Variants in SLC6A2 observed in about 807,000 individuals in gnomAD.
The protein encoded by SLC6A2 is sodium-dependent noradrenaline transporter.
In SLC6A2, 26 loss-of-function variants were observed where a neutral mutation model predicts 71.7. That is an observed-to-expected ratio of 0.36 (90% CI 0.27 to 0.50). The LOEUF is 0.50. Among genes scored for constraint, SLC6A2 ranks in the 20% least tolerant of loss-of-function variants. SLC6A2 has a pLI of 0.96. For synonymous variants in SLC6A2, 363 were observed against 337.9 expected, an observed-to-expected ratio of 1.07 and a Z score of -0.82; for missense variants, 581 against 803.9, an observed-to-expected ratio of 0.72 and a Z score of 3.35.
chr16:55,685,128 C>T lies in SLC6A2; in HGVS notation c.645-15C>T, dbSNP rs1300446821. On this transcript the variant is annotated splice_polypyrimidine_tract_variant and intron_variant, in intron 4 of 14. Transcript: ENST00000568943. Reference sequence around the variant, plus strand: ...ACGACATTTACCCTGGTCCCCTCCCCTCTCCTCTGGGCAGGCGTGGTGTCC... The same window carrying T: ...ACGACATTTACCCTGGTCCCCTCCCTTCTCCTCTGGGCAGGCGTGGTGTCC... 1 of 1,614,050 alleles carries T rather than the reference C, an allele frequency of 6.2e-7. No homozygotes were observed. Among genetic ancestry groups the T allele is most frequent in the South Asian group, 1.1e-5 (1 of 91,078 alleles).
rs1156358117 is a variant in SLC6A2, at chr16:55,700,027, T to A, written c.1591-112T>A. 3 of 857,536 alleles carry A rather than the reference T, an allele frequency of 3.5e-6. No individual in the cohort carries two copies. In the Admixed American group the frequency reaches 5.9e-5, roughly 17 times the overall value. The allele number at this position is 857,536 out of a possible 1,614,324, so 53.1% of individuals were successfully genotyped here. The stretch of plus-strand genomic sequence containing the variant: ...TCCTTATTTCCTCCCTTTGCTGTGA[T>A]GCTCACTTCTCTTCATTTCTCTCCC... On this transcript the variant is annotated intron_variant, in intron 12 of 14. Coordinates refer to ENST00000568943, the MANE Select transcript of SLC6A2 (RefSeq NM_001172501.3).
intron 4 of SLC6A2, among the ~76,000 whole-genome samples, chr16:55,673,366 T>C (rs749886172): frequency 1.9e-4 from 29 of 152,178 alleles, no homozygotes; most frequent in Non-Finnish European, 4.1e-4. Flanking sequence ...CCTCCTCCTG[T>C]GTAGAGAGAG....
rs1228029548 is a variant in SLC6A2 at position 55,676,868 on chromosome 16, CTA to C, written c.644+4695_644+4696del. Among the ~76,000 whole-genome samples the C allele has an allele frequency of 3.3e-5, 5 of 152,180 alleles. No individual in the cohort carries two copies. The East Asian group carries it at 9.6e-4, about 29-fold the overall frequency. ...AAAAGTCTATTTGGATCCAGGCAGT[CTA>C]TCTCCAAAGCCCAAGCTCTTAGCCC... On this transcript the variant is annotated intron_variant, in intron 4 of 14. Coordinates refer to ENST00000568943, the MANE Select transcript of SLC6A2 (RefSeq NM_001172501.3).
intron 13 of SLC6A2, 107 bp from the exon 14 acceptor site, chr16:55,701,756 G>T (rs1323705810): frequency 2.4e-6 from 2 of 816,380 alleles, no homozygotes; most frequent in Non-Finnish European, 4.4e-6. Context: ...ATCCATGTGG[G>T]GCTGCAGGAT....
intron 11 of SLC6A2, 104 bp from the exon 12 acceptor site, chr16:55,699,450 T>A (rs1965901685): frequency 1.2e-6 from 1 of 851,030 alleles, no homozygotes; most frequent in African/African-American, 1.7e-5. Context: ...ATCAGCATCT[T>A]GCCTCACTGC....
chr16:55,701,360 C>T (rs1441324910), intron 13 of SLC6A2, among the ~76,000 whole-genome samples: 2 of 152,212 alleles, frequency 1.3e-5, no homozygotes, highest in Non-Finnish European at 2.9e-5. Flanking sequence ...CTATTCTTCA[C>T]ACTTTGGGAG....
Position 55,697,899 on chromosome 16 carries a change from G to A in SLC6A2, c.1263G>A (p.Met421Ile). The A allele has an allele frequency of 6.2e-7, 1 of 1,614,008 alleles. No individual in the cohort carries two copies. The highest frequency in any genetic ancestry group is 1.1e-5 in the South Asian group (1 of 91,060). Residue 421 changes from methionine to isoleucine, a missense_variant and splice_region_variant, in exon 10 of 15, where the codon ATG becomes ATA. Transcript: ENST00000568943. ...CCACCCCTCCTGGTTCCCTCCAGAT[G>A]GGAGGCATGGAGGCTGTCATCACGG... ...MLLALGLDSSMGGMEAVITGL... is the reference protein window; with the variant it reads ...MLLALGLDSSIGGMEAVITGL...
At chr16:55,680,530 A>G (rs1440899069) in intron 4 of SLC6A2, among the ~76,000 whole-genome samples, 1 of 152,148 alleles carries the variant, frequency 6.6e-6, no homozygotes, top group Non-Finnish European at 1.5e-5. Flanking sequence ...TAGTCTTTCC[A>G]TGTTCTTCTG....
intron 3 of SLC6A2, among the ~76,000 whole-genome samples, chr16:55,670,676 A>C (rs1257198334): frequency 6.6e-6 from 1 of 152,216 alleles, no homozygotes; most frequent in East Asian, 1.9e-4. Flanking sequence ...CCAAGTTTAA[A>C]TTTTACCAAA....
chr16:55,698,600 C>A, intron 11 of SLC6A2, 32 bp downstream of exon 11: 1 of 1,459,640 alleles, frequency 6.9e-7, no homozygotes, highest in South Asian at 1.1e-5. Context: ...CCTCAGCTCC[C>A]AGTCCTCCTA....
chr16:55,682,738 G>A (rs1246513942), intron 4 of SLC6A2, among the ~76,000 whole-genome samples: 1 of 152,236 alleles, frequency 6.6e-6, no homozygotes, highest in African/African-American at 2.4e-5. Context: ...GGGCCTCCCA[G>A]GAGAGGTGAC....
chr16:55,700,452 T>A, intron 13 of SLC6A2, 146 bp downstream of exon 13: 1 of 675,662 alleles, frequency 1.5e-6, no homozygotes, highest in Non-Finnish European at 2.5e-6. Flanking sequence ...GCCAGGTTAT[T>A]TTCCCCCATG....
chr16:55,706,144 G>A lies in SLC6A2; in HGVS notation c.*3798G>A, dbSNP rs1194643391. ...ATGGATTTTAAAAGTTGTTCTCTTT[G>A]TGGAATATAAGTGTACAGAATAATA... On this transcript the variant is annotated 3_prime_UTR_variant, in exon 15 of 15. Transcript: ENST00000568943. 6.6e-6 allele frequency: 1 copy of A among 152,192 alleles called. No individual in the cohort carries two copies. Among genetic ancestry groups the A allele is most frequent in the Non-Finnish European group, 1.5e-5 (1 of 68,048 alleles). 9.4% of individuals were successfully genotyped at this position (152,192 alleles called of 1,614,324 possible).
chr16:55,667,215 C>G (rs1261867615), intron 2 of SLC6A2, among the ~76,000 whole-genome samples: 1 of 152,100 alleles, frequency 6.6e-6, no homozygotes, highest in Non-Finnish European at 1.5e-5. Context: ...CAGTTTAATA[C>G]AGCTATCTAA....
intron 2 of SLC6A2, among the ~76,000 whole-genome samples, chr16:55,658,437 C>T (rs1964518644): frequency 1.3e-5 from 2 of 151,868 alleles, no homozygotes; most frequent in East Asian, 1.9e-4. Context: ...CACTTGAACC[C>T]GGGATGTGGA....
At chr16:55,695,136 A>T in intron 7 of SLC6A2, 142 bp from the exon 8 acceptor site, 1 of 895,398 alleles carries the variant, frequency 1.1e-6, no homozygotes, top group Non-Finnish European at 1.8e-6. Flanking sequence ...GAGGCCCTGT[A>T]TCCATGTGGC....
chr16:55,662,465 A>AT (rs1301413128), intron 2 of SLC6A2, among the ~76,000 whole-genome samples: 1 of 152,148 alleles, frequency 6.6e-6, no homozygotes, highest in Non-Finnish European at 1.5e-5. Flanking sequence ...AAAGTTTGTC[A>AT]TTTTTGATTC....
At position 55,685,083 on chromosome 16, in the gene SLC6A2, G is replaced by T. The variant is rs563078163; in HGVS notation, c.645-60G>T. On this transcript the variant is annotated intron_variant, in intron 4 of 14. Transcript: ENST00000568943. Reference sequence around the variant, plus strand: ...TTTGCAGGGACTGGTCTGTGGTCACGGCCTCTGTCGTCCTCCCTGACGACA... The same window carrying T: ...TTTGCAGGGACTGGTCTGTGGTCACTGCCTCTGTCGTCCTCCCTGACGACA... 15 of 1,566,192 alleles carry T rather than the reference G, an allele frequency of 9.6e-6. No individual in the cohort carries two copies. In the East Asian group the frequency reaches 3.4e-4, roughly 35 times the overall value.
At chr16:55,663,927 G>A (rs1307959067) in intron 2 of SLC6A2, among the ~76,000 whole-genome samples, 1 of 152,132 alleles carries the variant, frequency 6.6e-6, no homozygotes, top group African/African-American at 2.4e-5. Context: ...CAGGCCCTGG[G>A]GGAAGGAATG....
Sources: gnomAD v4.1 joint callset for allele counts (sites outside exome capture counted in the v4.1 genomes callset) on GRCh38, gnomAD v4.1.1 for gene constraint, MANE v1.5 for transcripts, NCBI Gene and HGNC (gene_info 2026-07-23, HGNC 2026-07-21) for gene names.